STX8: variants seen among roughly 807,000 people sequenced by gnomAD.
STX8 encodes syntaxin 8, also known as syntaxin-8.
STX8 carries 23 observed loss-of-function variants against 37.5 expected under a neutral mutation model. The observed-to-expected ratio is 0.61, with a 90% CI of 0.44 to 0.87. The LOEUF is 0.87. STX8 is among the 40% of genes least tolerant of loss of function. STX8 has a pLI of 0.00. For synonymous variants in STX8, 115 were observed against 99.1 expected (o/e 1.16, Z -0.95); for missense variants, 313 against 284.7 (o/e 1.10, Z -0.71).
intron 7 of STX8, among the ~76,000 whole-genome samples, chr17:9,370,089 C>A (rs1024490652): frequency 2.6e-5 from 4 of 151,494 alleles, no homozygotes; most frequent in African/African-American, 9.7e-5. Flanking sequence ...GTGATACACA[C>A]CTGTAATCCC....
At chr17:9,466,703 C>G (rs1433819502) in intron 6 of STX8, among the ~76,000 whole-genome samples, 1 of 152,162 alleles carries the variant, frequency 6.6e-6, no homozygotes, top group Non-Finnish European at 1.5e-5. Context: ...ATGCCCTCTT[C>G]TCATCAAACT....
intron 6 of STX8, among the ~76,000 whole-genome samples, chr17:9,383,860 C>T (rs763175595): frequency 3.3e-5 from 5 of 152,114 alleles, no homozygotes; most frequent in African/African-American, 9.7e-5. Flanking sequence ...TCCATTATAA[C>T]GGCATCAAAA....
At chr17:9,426,811 A>AT (rs1226890408) in intron 6 of STX8, among the ~76,000 whole-genome samples, 1 of 152,070 alleles carries the variant, frequency 6.6e-6, no homozygotes, top group Non-Finnish European at 1.5e-5. Flanking sequence ...TCCTCTGAAG[A>AT]TTTTCAGAGG....
At chr17:9,265,527 C>T (rs1217236826) in intron 7 of STX8, among the ~76,000 whole-genome samples, 3 of 152,260 alleles carry the variant, frequency 2.0e-5, no homozygotes, top group Non-Finnish European at 4.4e-5. Flanking sequence ...TGGCGCTAGG[C>T]ACTTGCTATC....
At chr17:9,519,369 T>TA (rs925400531) in intron 4 of STX8, among the ~76,000 whole-genome samples, 4 of 151,680 alleles carry the variant, frequency 2.6e-5, no homozygotes, top group Admixed American at 1.3e-4. Context: ...GCCATTTTTT[T>TA]TTTTTTGGTC....
intron 7 of STX8, among the ~76,000 whole-genome samples, chr17:9,368,202 C>T (rs555261759): frequency 6.6e-6 from 1 of 151,186 alleles, no homozygotes; most frequent in African/African-American, 2.4e-5. Context: ...ATTCTGAAGA[C>T]ATAGAAAGAA....
Position 9,520,493 on chromosome 17 carries a change from A to G in STX8, c.324-15331T>C, listed in dbSNP as rs867413129. ...TGAATTTTTTTAATAAATGATTTCT[A>G]TCCATATTATTTCAAGATGAAACTT... On this transcript the variant is annotated intron_variant, in intron 4 of 7. Transcript: ENST00000306357. Among the ~76,000 whole-genome samples the G allele has an allele frequency of 2.2e-4, 33 of 152,318 alleles. 1 individual carries two copies. Among genetic ancestry groups the G allele is most frequent in the Middle Eastern group, 3.4e-3 (1 of 294 alleles).
At chr17:9,330,208 C>T (rs911215093) in intron 7 of STX8, among the ~76,000 whole-genome samples, 1 of 152,288 alleles carries the variant, frequency 6.6e-6, no homozygotes, top group Middle Eastern at 3.4e-3. Flanking sequence ...TTTTGAAATG[C>T]GAATTAGCTG....
chr17:9,329,232 G>A (rs1438086610), intron 7 of STX8, among the ~76,000 whole-genome samples: 2 of 151,994 alleles, frequency 1.3e-5, no homozygotes, highest in African/African-American at 4.8e-5. Flanking sequence ...AACAACCAAA[G>A]TGCCAAACAT....
intron 7 of STX8, among the ~76,000 whole-genome samples, chr17:9,334,975 C>T (rs1910088490): frequency 6.6e-6 from 1 of 152,192 alleles, no homozygotes; most frequent in Non-Finnish European, 1.5e-5. Flanking sequence ...ACAACCTTTT[C>T]CACCATTTCT....
At chr17:9,297,210 A>G (rs1478150072) in intron 7 of STX8, among the ~76,000 whole-genome samples, 1 of 150,344 alleles carries the variant, frequency 6.7e-6, no homozygotes, top group African/African-American at 2.4e-5. Context: ...ATCATTTTGC[A>G]TACAGTCTGA....
At chr17:9,480,967 C>T (rs1305070901) in intron 6 of STX8, among the ~76,000 whole-genome samples, 3 of 152,034 alleles carry the variant, frequency 2.0e-5, no homozygotes, top group African/African-American at 7.3e-5. Flanking sequence ...TCACTGCAAG[C>T]TCCGCCTCCT....
At chr17:9,447,906 C>T (rs978119941) in intron 6 of STX8, among the ~76,000 whole-genome samples, 1 of 151,886 alleles carries the variant, frequency 6.6e-6, no homozygotes, top group African/African-American at 2.4e-5. Context: ...TGGCCAGGTG[C>T]GGTGGCTTAA....
intron 6 of STX8, among the ~76,000 whole-genome samples, chr17:9,423,090 T>C (rs1030757319): frequency 5.3e-5 from 8 of 152,182 alleles, no homozygotes; most frequent in African/African-American, 1.7e-4. Context: ...AAATAACCCA[T>C]AAATAAGTGC....
In STX8 at chr17:9,428,255, G is replaced by C. The variant is rs566168029; in HGVS notation, c.542-49602C>G. ...AATGACTTTTGTTTTGTTTTGTTTTGTTTTGAGATGGAGTCTCACTCTGTC... is the reference window on the plus strand; with the variant it reads ...AATGACTTTTGTTTTGTTTTGTTTTCTTTTGAGATGGAGTCTCACTCTGTC... On this transcript the variant is annotated intron_variant, in intron 6 of 7. Coordinates refer to ENST00000306357, the MANE Select transcript of STX8 (RefSeq NM_004853.3). 2.6e-5 allele frequency among the ~76,000 whole-genome samples: 4 copies of C among 152,158 alleles called. 1 individual carries two copies. In the East Asian group the frequency reaches 7.7e-4, roughly 29 times the overall value.
intron 7 of STX8, among the ~76,000 whole-genome samples, chr17:9,360,662 T>TTA (rs1335030463): frequency 8.9e-4 from 95 of 106,480 alleles, no homozygotes; most frequent in Admixed American, 2.1e-3. Context: ...TTTATTAGTG[T>TTA]TAAAAAAAAA....
At chr17:9,549,660 A>G (rs1906684497) in intron 3 of STX8, among the ~76,000 whole-genome samples, 1 of 152,172 alleles carries the variant, frequency 6.6e-6, no homozygotes, top group Non-Finnish European at 1.5e-5. Flanking sequence ...CAATCCAATT[A>G]GGAACATGCT....
At chr17:9,433,784 G>A (rs949408363) in intron 6 of STX8, among the ~76,000 whole-genome samples, 3 of 152,056 alleles carry the variant, frequency 2.0e-5, no homozygotes, top group African/African-American at 7.2e-5. Context: ...CAGAGAAATG[G>A]GCCAACTCTT....
chr17:9,305,738 C>CTTTTTTTTTT (rs751052478), intron 7 of STX8: 12 of 84,354 alleles, frequency 1.4e-4, no homozygotes, highest in African/African-American at 4.2e-4. Context: ...ACAGGTGCAT[C>CTTTTTTTTTT]TTTTTTTTTT....
Sources: gnomAD v4.1 joint callset for allele counts (sites outside exome capture counted in the v4.1 genomes callset) on GRCh38, gnomAD v4.1.1 for gene constraint, MANE v1.5 for transcripts, NCBI Gene and HGNC (gene_info 2026-07-23, HGNC 2026-07-21) for gene names.